Variants in ARMC1 observed in about 807,000 individuals in gnomAD.
ARMC1 encodes armadillo repeat containing 1.
In ARMC1, 16 loss-of-function variants were observed where a neutral mutation model predicts 31.4. The ratio of observed to expected loss-of-function variants is 0.51; its 90% CI spans 0.34 to 0.77. ARMC1 has a LOEUF of 0.77. Ranked by LOEUF, ARMC1 falls within the 30% of genes least tolerant of loss-of-function variation. The pLI, the probability that ARMC1 is intolerant of heterozygous loss-of-function variation, is 0.01. For missense variants in ARMC1, 259 were observed against 347.5 expected (o/e 0.75, Z 2.02); for synonymous variants, 114 against 118.9 (o/e 0.96, Z 0.27).
At chr8:65,611,770 CTTT>C (rs1029931903) in intron 4 of ARMC1, among the ~76,000 whole-genome samples, 26 of 150,994 alleles carry the variant, frequency 1.7e-4, no homozygotes, top group African/African-American at 5.3e-4. Flanking sequence ...TACACTTTCA[CTTT>C]TTTTTTCTTT....
rs190281248 is a variant in ARMC1 at position 65,631,431 on chromosome 8, G to C, written c.-36+2567C>G. ...TTATTTTTAGTAGAGACGGGGTTTC[G>C]CCGTGTTGGCCAGGCTGGTCTTGAA... On this transcript the variant is annotated intron_variant, in intron 1 of 6. Transcript: ENST00000276569. 7.9e-3 allele frequency among the ~76,000 whole-genome samples: 1,207 copies of C among 152,196 alleles called. 7 individuals are homozygous for C. The highest frequency in any genetic ancestry group is 0.014 in the Middle Eastern group (4 of 294).
In ARMC1 at chr8:65,622,181, G is replaced by C; in HGVS notation, c.275+82C>G. The C allele has an allele frequency of 6.3e-6, 7 of 1,105,006 alleles. No homozygotes were observed. The East Asian group carries it at 1.4e-4, about 23-fold the overall frequency. 68.5% of individuals were successfully genotyped at this position (1,105,006 alleles called of 1,614,324 possible). A position where few individuals can be genotyped will look rare whatever the true frequency, so the allele number is the denominator to read the frequency against. ...AAGGTGGAAGGATCGCTTGAACCCA[G>C]CATGGGCAACATAGTGAGGCCCTGT... On this transcript the variant is annotated intron_variant, in intron 3 of 6. Coordinates refer to ENST00000276569, the MANE Select transcript of ARMC1 (RefSeq NM_018120.6).
chr8:65,624,393 G>A (rs1808467909), intron 2 of ARMC1, among the ~76,000 whole-genome samples: 4 of 147,452 alleles, frequency 2.7e-5, no homozygotes, highest in Admixed American at 1.4e-4. Context: ...CAGCTGCTAG[G>A]GAGGCTGAGG....
chr8:65,626,882 G>A (rs1278148955), intron 2 of ARMC1, among the ~76,000 whole-genome samples: 1 of 152,068 alleles, frequency 6.6e-6, no homozygotes, highest in African/African-American at 2.4e-5. Context: ...TGGCATGGTG[G>A]TGTGTGCCTA....
intron 4 of ARMC1, among the ~76,000 whole-genome samples, chr8:65,608,448 G>A (rs1473248979): frequency 6.6e-6 from 1 of 151,944 alleles, no homozygotes; most frequent in African/African-American, 2.4e-5. Context: ...AGAATTACTT[G>A]AACCCAGGGG....
intron 1 of ARMC1, among the ~76,000 whole-genome samples, chr8:65,629,466 T>C (rs1175242575): frequency 6.6e-6 from 1 of 152,138 alleles, no homozygotes; most frequent in Non-Finnish European, 1.5e-5. Context: ...AGTGAGGGTT[T>C]TTTTGACATC....
intron 2 of ARMC1, 91 bp downstream of exon 2, chr8:65,627,125 G>GT (rs770576186): frequency 4.5e-5 from 57 of 1,267,362 alleles, no homozygotes; most frequent in African/African-American, 7.5e-5. Context: ...CTCTCTTTCC[G>GT]TTTTTTTACC....
intron 2 of ARMC1, among the ~76,000 whole-genome samples, chr8:65,624,299 G>GACC (rs1808465770): frequency 6.6e-6 from 1 of 150,904 alleles, no homozygotes; most frequent in East Asian, 2.0e-4. Flanking sequence ...AGGAGTTCAA[G>GACC]ACCAGCCTGG....
chr8:65,608,853 G>A (rs980488640), intron 4 of ARMC1, among the ~76,000 whole-genome samples: 4 of 152,066 alleles, frequency 2.6e-5, no homozygotes, highest in African/African-American at 4.8e-5. Context: ...ACGTTGCAGT[G>A]AGCCAAGATC....
intron 1 of ARMC1, among the ~76,000 whole-genome samples, chr8:65,629,443 C>T (rs1296769078): frequency 3.3e-5 from 5 of 152,218 alleles, no homozygotes; most frequent in Admixed American, 2.6e-4. Context: ...GATACAAAGT[C>T]GTAGTAGGAA....
Position 65,605,438 on chromosome 8 carries a change from G to T in ARMC1, c.566C>A (p.Ser189Ter). ...AATACTTACCTCAGCTTTCAAATCT[G>T]AACGGATTCGCACCACACACCTTTG... is the stretch of plus-strand genomic sequence containing the variant. The part of the protein sequence containing the change: ...AVQRCVVRIR[S>*]DLKAEALASA... The change falls in exon 5 of 7, where the codon TCA becomes TAA. Residue 189 changes from serine (S) to a stop codon, truncating the protein, a stop_gained. Coordinates refer to ENST00000276569, the MANE Select transcript of ARMC1 (RefSeq NM_018120.6). LOFTEE classifies it high-confidence loss of function. 1 of 1,614,036 alleles carries T rather than the reference G, an allele frequency of 6.2e-7. No homozygotes were observed. Among genetic ancestry groups the T allele is most frequent in the South Asian group, 1.1e-5 (1 of 91,064 alleles).
At chr8:65,633,168 C>G (rs980232205) in intron 1 of ARMC1, among the ~76,000 whole-genome samples, 2 of 152,216 alleles carry the variant, frequency 1.3e-5, no homozygotes, top group African/African-American at 4.8e-5. Flanking sequence ...TTTTCCTTCT[C>G]GTACAGTCAA....
At chr8:65,609,736 T>C (rs1326034891) in intron 4 of ARMC1, among the ~76,000 whole-genome samples, 2 of 151,450 alleles carry the variant, frequency 1.3e-5, no homozygotes, top group East Asian at 1.9e-4. Context: ...CGGGCACCTG[T>C]AGTCCCAGCT....
At chr8:65,620,853 A>T (rs1193238041) in intron 3 of ARMC1, among the ~76,000 whole-genome samples, 1 of 151,538 alleles carries the variant, frequency 6.6e-6, no homozygotes, top group Non-Finnish European at 1.5e-5. Context: ...CTGTAATTCC[A>T]GCACTTTGGG....
chr8:65,606,521 T>G (rs1381527309), intron 4 of ARMC1, among the ~76,000 whole-genome samples: 4 of 152,216 alleles, frequency 2.6e-5, no homozygotes, highest in African/African-American at 9.6e-5. Context: ...TATCACTGCA[T>G]CATCCATTTA....
In ARMC1 at chr8:65,616,861, C is replaced by T. The variant is rs1808276553; in HGVS notation, c.276-3428G>A. On this transcript the variant is annotated intron_variant, in intron 3 of 6. Transcript: ENST00000276569. ...GTGAGGAGCCCCTCCACCCGGCAGC[C>T]GCCCTGTCTGAGAAGTGAGGAGCCC... is the stretch of plus-strand genomic sequence containing the variant. 4.0e-5 allele frequency among the ~76,000 whole-genome samples: 6 copies of T among 151,030 alleles called. No individual in the cohort carries two copies. The South Asian group carries it at 6.3e-4, about 16-fold the overall frequency.
At chr8:65,619,453 G>A (rs1205538404) in intron 3 of ARMC1, among the ~76,000 whole-genome samples, 4 of 152,058 alleles carry the variant, frequency 2.6e-5, no homozygotes, top group Non-Finnish European at 4.4e-5. Flanking sequence ...CAGGAGAATC[G>A]CTTGAAACCG....
chr8:65,611,077 G>A (rs1032979071), intron 4 of ARMC1, among the ~76,000 whole-genome samples: 1 of 152,024 alleles, frequency 6.6e-6, no homozygotes, highest in Non-Finnish European at 1.5e-5. Flanking sequence ...GGGATTACAG[G>A]CCTACACTAT....
In ARMC1 at chr8:65,620,658, G is replaced by GA. The variant is rs1224457590; in HGVS notation, c.275+1604dup. 3.3e-5 allele frequency among the ~76,000 whole-genome samples: 5 copies of GA among 151,402 alleles called. No homozygotes were observed. The South Asian group carries it at 1.0e-3, about 32-fold the overall frequency. On this transcript the variant is annotated intron_variant, in intron 3 of 6. Transcript: ENST00000276569. ...TGATTACCATACTAGACCCGTTTCA[G>GA]AAAAAAAAGGAAGATGCTTCTGTTG...
Sources: allele counts gnomAD v4.1 joint callset (sites outside exome capture counted in the v4.1 genomes callset), GRCh38; gene constraint gnomAD v4.1.1; transcripts MANE v1.5; gene names NCBI Gene and HGNC (gene_info 2026-07-23, HGNC 2026-07-21).